The following NUDT3 variants were observed in gnomAD, a reference collection of about 807,000 sequenced individuals.
NUDT3 encodes nudix hydrolase 3, also known as diphosphoinositol polyphosphate phosphohydrolase 1.
A neutral mutation model predicts 23.6 loss-of-function variants in NUDT3; 9 were observed. The observed-to-expected ratio is 0.38, with a 90% confidence interval of 0.23 to 0.66. NUDT3 has a LOEUF of 0.66. Ranked by LOEUF, NUDT3 falls within the 30% of genes least tolerant of loss-of-function variation. The pLI, the probability that NUDT3 is intolerant of heterozygous loss-of-function variation, is 0.52. For missense variants in NUDT3, 172 were observed against 218.5 expected (o/e 0.79, Z 1.34); for synonymous variants, 86 against 82.6 (o/e 1.04, Z -0.22).
chr6:34,364,197 T>C (rs1192657705), intron 1 of NUDT3, among the ~76,000 whole-genome samples: 1 of 152,174 alleles, frequency 6.6e-6, no homozygotes, highest in Non-Finnish European at 1.5e-5. Flanking sequence ...TAAAGAAACA[T>C]GTAACATGAT....
At chr6:34,313,162 G>GA (rs1763801370) in intron 2 of NUDT3, among the ~76,000 whole-genome samples, 1 of 152,002 alleles carries the variant, frequency 6.6e-6, no homozygotes, top group Non-Finnish European at 1.5e-5. Flanking sequence ...GTGACAGAGC[G>GA]AGACCTTGTC....
At chr6:34,301,754 G>A (rs915496558) in intron 2 of NUDT3, among the ~76,000 whole-genome samples, 2 of 152,222 alleles carry the variant, frequency 1.3e-5, no homozygotes, top group Non-Finnish European at 2.9e-5. Flanking sequence ...GGAATAGTTT[G>A]TTATACAGCA....
rs564949019 is a variant in NUDT3 at position 34,320,710 on chromosome 6, C to T, written c.210+21152G>A. Among the ~76,000 whole-genome samples, 3 of 152,220 alleles carry T rather than the reference C, an allele frequency of 2.0e-5. No individual in the cohort carries two copies. The South Asian group carries it at 6.2e-4, about 32-fold the overall frequency. ...AATTAGCCAGGCGTGGTGGCATGCACTTGTGGTCCCAGCTACTCAGGAGGC... is the reference window on the plus strand; with the variant it reads ...AATTAGCCAGGCGTGGTGGCATGCATTTGTGGTCCCAGCTACTCAGGAGGC... On this transcript the variant is annotated intron_variant, in intron 2 of 4. Coordinates refer to ENST00000607016, the MANE Select transcript of NUDT3 (RefSeq NM_006703.4).
chr6:34,360,402 T>C (rs902328393), intron 1 of NUDT3, among the ~76,000 whole-genome samples: 1 of 151,696 alleles, frequency 6.6e-6, no homozygotes, highest in African/African-American at 2.4e-5. Flanking sequence ...GGTGAAACCC[T>C]GTCTCTACTA....
At chr6:34,387,394 G>C (rs190910762) in intron 1 of NUDT3, among the ~76,000 whole-genome samples, 91 of 152,198 alleles carry the variant, frequency 6.0e-4, no homozygotes, top group Non-Finnish European at 1.2e-3. Context: ...ACCCTGTGTA[G>C]GCCTAGGTTA....
At chr6:34,355,983 A>G (rs978655833) in intron 1 of NUDT3, among the ~76,000 whole-genome samples, 1 of 152,136 alleles carries the variant, frequency 6.6e-6, no homozygotes, top group South Asian at 2.1e-4. Flanking sequence ...ACCAGTAAAC[A>G]TAAGACCCTG....
At chr6:34,318,457 G>A (rs949336131) in intron 2 of NUDT3, among the ~76,000 whole-genome samples, 1 of 151,946 alleles carries the variant, frequency 6.6e-6, no homozygotes, top group Non-Finnish European at 1.5e-5. Context: ...ACACAAATAC[G>A]TTTTTGTACA....
chr6:34,354,023 T>A (rs550871611), intron 1 of NUDT3, among the ~76,000 whole-genome samples: 1 of 151,992 alleles, frequency 6.6e-6, no homozygotes, highest in Non-Finnish European at 1.5e-5. Context: ...CTGCCTCAGA[T>A]TCTCCTGCCT....
At chr6:34,373,767 G>A (rs1482916036) in intron 1 of NUDT3, among the ~76,000 whole-genome samples, 1 of 152,174 alleles carries the variant, frequency 6.6e-6, no homozygotes, top group Non-Finnish European at 1.5e-5. Context: ...GCTGAAGTTG[G>A]TATAGATTAC....
At chr6:34,388,985 T>A (rs1765152720) in intron 1 of NUDT3, among the ~76,000 whole-genome samples, 1 of 152,242 alleles carries the variant, frequency 6.6e-6, no homozygotes. Context: ...TTTAAGCTCC[T>A]GGCCTGGCAA....
intron 2 of NUDT3, among the ~76,000 whole-genome samples, chr6:34,332,798 GT>G (rs1764147861): frequency 6.6e-6 from 1 of 152,110 alleles, no homozygotes; most frequent in African/African-American, 2.4e-5. Flanking sequence ...TCCTGTTTCT[GT>G]TTTTGGATGT....
Position 34,296,853 on chromosome 6 carries a change from C to CA in NUDT3, c.211-1169_211-1168insT, listed in dbSNP as rs1227452734. ...GAACATAAACATGGTAATTCTGCTA[C>CA]GGGTAAGTATCATGACAGAAATACA... On this transcript the variant is annotated intron_variant, in intron 2 of 4. Coordinates refer to ENST00000607016, the MANE Select transcript of NUDT3 (RefSeq NM_006703.4). Among the ~76,000 whole-genome samples, 3 of 151,462 alleles carry CA rather than the reference C, an allele frequency of 2.0e-5. No homozygotes were observed. In the East Asian group the frequency reaches 5.8e-4, roughly 29 times the overall value.
At chr6:34,386,684 T>C (rs1419766746) in intron 1 of NUDT3, among the ~76,000 whole-genome samples, 2 of 152,306 alleles carry the variant, frequency 1.3e-5, no homozygotes, top group South Asian at 2.1e-4. Flanking sequence ...AGACCACATA[T>C]ACAAGAGTAG....
chr6:34,377,064 T>A (rs1764936737), intron 1 of NUDT3, among the ~76,000 whole-genome samples: 1 of 152,214 alleles, frequency 6.6e-6, no homozygotes, highest in African/African-American at 2.4e-5. Context: ...TGACTACTTC[T>A]GTATTTTGCA....
At chr6:34,356,130 A>C (rs985084108) in intron 1 of NUDT3, among the ~76,000 whole-genome samples, 2 of 152,166 alleles carry the variant, frequency 1.3e-5, no homozygotes, top group African/African-American at 4.8e-5. Flanking sequence ...GATACTTAAC[A>C]ATGTAAGAAG....
At chr6:34,371,725 T>C (rs1222860400) in intron 1 of NUDT3, among the ~76,000 whole-genome samples, 1 of 152,176 alleles carries the variant, frequency 6.6e-6, no homozygotes, top group East Asian at 1.9e-4. Context: ...GATGGTTGGC[T>C]AAGTGTCATT....
Position 34,351,198 on chromosome 6 carries a change from TAAAAAAAAAAAAAAAAAAAAAA to T in NUDT3, c.100-9248_100-9227del, listed in dbSNP as rs71000051. Among the ~76,000 whole-genome samples the T allele has an allele frequency of 9.5e-4, 17 of 17,900 alleles. 1 individual carries two copies. In the East Asian group the frequency reaches 0.018, roughly 19 times the overall value. 11.7% of individuals were successfully genotyped at this position (17,900 alleles called of 152,430 possible). A position where few individuals can be genotyped will look rare whatever the true frequency, so the allele number is the denominator to read the frequency against. On this transcript the variant is annotated intron_variant, in intron 1 of 4. Coordinates refer to ENST00000607016, the MANE Select transcript of NUDT3 (RefSeq NM_006703.4). ...GACCTCGTCTCTACACTCCCCTGCCTAAAAAAAAAAAAAAAAAAAAAAAAAAAACACTTTGGGAGGCCAAGAT... is the reference window on the plus strand; with the variant it reads ...GACCTCGTCTCTACACTCCCCTGCCTAAAAAACACTTTGGGAGGCCAAGAT...
intron 1 of NUDT3, among the ~76,000 whole-genome samples, chr6:34,347,537 T>C (rs1204375607): frequency 6.6e-6 from 1 of 152,196 alleles, no homozygotes; most frequent in Non-Finnish European, 1.5e-5. Flanking sequence ...GTTTTCCACA[T>C]GGGCACAGAA....
chr6:34,379,124 G>C (rs1005859098), intron 1 of NUDT3, among the ~76,000 whole-genome samples: 10 of 152,284 alleles, frequency 6.6e-5, no homozygotes, highest in Admixed American at 5.2e-4. Context: ...TCCATGATCT[G>C]TATAGACTCA....
Sources: allele counts gnomAD v4.1 joint callset (sites outside exome capture counted in the v4.1 genomes callset), GRCh38; gene constraint gnomAD v4.1.1; transcripts MANE v1.5; gene names NCBI Gene and HGNC (gene_info 2026-07-23, HGNC 2026-07-21).